Variants in ZNF69 observed in about 807,000 individuals in gnomAD.
ZNF69 encodes ZNF3.
A neutral mutation model predicts 50.9 loss-of-function variants in ZNF69; 47 were observed. That is an observed-to-expected ratio of 0.92 (90% CI 0.73 to 1.18). ZNF69 has a LOEUF of 1.18. ZNF69 is among the 50% of genes most tolerant of loss of function. ZNF69 has a pLI of 0.00. For synonymous variants in ZNF69, 216 were observed against 223.1 expected (o/e 0.97, Z 0.29); for missense variants, 717 against 675.1 (o/e 1.06, Z -0.69).
downstream of ZNF69, among the ~76,000 whole-genome samples, chr19:11,918,781 A>G (rs1972542549): frequency 6.6e-6 from 1 of 151,888 alleles, no homozygotes; most frequent in African/African-American, 2.4e-5. Context: ...TAAAACCAAG[A>G]TATCTGTACA....
the ZNF69 span, among the ~76,000 whole-genome samples, chr19:11,957,092 T>TC: frequency 5.6e-5 from 8 of 144,036 alleles, no homozygotes; most frequent in African/African-American, 1.8e-4. Flanking sequence ...AAGAAATAAG[T>TC]TTTTTTTTTT....
the ZNF69 span, among the ~76,000 whole-genome samples, chr19:11,973,841 G>C: frequency 1.3e-5 from 2 of 151,994 alleles, no homozygotes; most frequent in African/African-American, 4.8e-5. Context: ...GTTCATTTAG[G>C]TTAATATGTA....
chr19:11,964,305 G>T, the ZNF69 span, among the ~76,000 whole-genome samples: 7 of 152,212 alleles, frequency 4.6e-5, no homozygotes, highest in South Asian at 1.4e-3. Context: ...TACCTCTGGA[G>T]CCTGGGGCTG....
At chr19:11,935,793 G>C in the ZNF69 span, among the ~76,000 whole-genome samples, 1 of 152,140 alleles carries the variant, frequency 6.6e-6, no homozygotes, top group East Asian at 1.9e-4. Flanking sequence ...GTGCCGTGTT[G>C]GTTTGTTGCA....
Position 11,905,141 on chromosome 19 carries a change from T to A in ZNF69, c.744T>A (p.Tyr248Ter). The A allele has an allele frequency of 6.2e-7, 1 of 1,614,182 alleles. No individual in the cohort carries two copies. Among genetic ancestry groups the A allele is most frequent in the South Asian group, 1.1e-5 (1 of 91,082 alleles). ...HERIHTGEKP[Y>*]ECKQCGKSFS... is the part of the protein sequence containing the mutation. ...GAATTCACACTGGAGAGAAACCATA[T>A]GAATGTAAACAATGTGGTAAATCCT... Residue 248 changes from tyrosine (Y) to a stop codon, truncating the protein, a stop_gained, in exon 4 of 4, where the codon TAT (tyrosine) becomes TAA (stop). Transcript: ENST00000429654. LOFTEE classifies it high-confidence loss of function.
the ZNF69 span, chr19:11,925,057 TG>T: frequency 1.3e-6 from 1 of 747,402 alleles, no homozygotes; most frequent in Non-Finnish European, 2.2e-6. Flanking sequence ...TCAGAGGTGC[TG>T]GGGCGTGGCA....
At chr19:11,901,241 C>T (rs1215764491) in intron 1 of ZNF69, among the ~76,000 whole-genome samples, 2 of 152,106 alleles carry the variant, frequency 1.3e-5, no homozygotes, top group African/African-American at 2.4e-5. Context: ...CTCTTGTCAT[C>T]TTATGGAATC....
chr19:11,919,976 A>G, the ZNF69 span, among the ~76,000 whole-genome samples: 1 of 152,138 alleles, frequency 6.6e-6, no homozygotes, highest in African/African-American at 2.4e-5. Context: ...ATTTGGATCT[A>G]CCTGGAATGT....
At chr19:11,955,713 A>G in the ZNF69 span, among the ~76,000 whole-genome samples, 1 of 152,238 alleles carries the variant, frequency 6.6e-6, no homozygotes. Flanking sequence ...ACAACAAAGT[A>G]TAGTAGATAA....
chr19:11,898,339 CCA>C (rs1403849846), intron 1 of ZNF69, among the ~76,000 whole-genome samples: 7 of 150,934 alleles, frequency 4.6e-5, no homozygotes, highest in African/African-American at 7.3e-5. Context: ...AGCAGATAAT[CCA>C]CAGAGTTCCC....
At chr19:11,931,840 G>A in the ZNF69 span, among the ~76,000 whole-genome samples, 1 of 148,228 alleles carries the variant, frequency 6.7e-6, no homozygotes, top group East Asian at 1.9e-4. Context: ...TAGTGGCCAG[G>A]CACGGTGGCT....
chr19:11,903,519 C>A (rs1057344779), intron 1 of ZNF69, 54 bp from the exon 2 acceptor site: 8 of 1,607,658 alleles, frequency 5.0e-6, no homozygotes, highest in African/African-American at 2.7e-5. Context: ...AGAGTCTAGG[C>A]CCCCAGTGCT....
At chr19:11,980,147 A>T in the ZNF69 span, 1 of 728,628 alleles carries the variant, frequency 1.4e-6, no homozygotes, top group Non-Finnish European at 2.2e-6. Flanking sequence ...ATAGAAACCA[A>T]AGCAGGTGAA....
chr19:11,969,992 G>C, the ZNF69 span, among the ~76,000 whole-genome samples: 6 of 152,188 alleles, frequency 3.9e-5, no homozygotes, highest in Middle Eastern at 6.3e-3. Flanking sequence ...GTCTCCTGGA[G>C]GGTCTCATGG....
chr19:11,925,978 T>A, the ZNF69 span, among the ~76,000 whole-genome samples: 1 of 151,846 alleles, frequency 6.6e-6, no homozygotes, highest in Non-Finnish European at 1.5e-5. Flanking sequence ...GCAGAAAGGG[T>A]GGGACCTGTG....
At chr19:11,925,537 C>G in the ZNF69 span, among the ~76,000 whole-genome samples, 1 of 152,178 alleles carries the variant, frequency 6.6e-6, no homozygotes, top group African/African-American at 2.4e-5. Flanking sequence ...GTTCCGCTCC[C>G]GCAGCCCCGC....
At chr19:11,927,020 C>G in the ZNF69 span, among the ~76,000 whole-genome samples, 4 of 152,088 alleles carry the variant, frequency 2.6e-5, no homozygotes, top group South Asian at 2.1e-4. Flanking sequence ...GGAAGGAATT[C>G]AAGACGAGTC....
the ZNF69 span, chr19:11,925,252 T>G: frequency 5.0e-6 from 8 of 1,612,646 alleles, no homozygotes; most frequent in Non-Finnish European, 6.8e-6. Context: ...AGGACCCCGG[T>G]ACATCTGAAA....
chr19:11,976,204 A>G, the ZNF69 span, among the ~76,000 whole-genome samples: 7 of 151,074 alleles, frequency 4.6e-5, no homozygotes, highest in East Asian at 1.4e-3. Context: ...ACACAGCCTC[A>G]GGACTGCTAA....
Sources: allele counts gnomAD v4.1 joint callset (sites outside exome capture counted in the v4.1 genomes callset), GRCh38; gene constraint gnomAD v4.1.1; transcripts MANE v1.5; gene names NCBI Gene and HGNC (gene_info 2026-07-23, HGNC 2026-07-21).